Variants in SCUBE1 observed in about 807,000 individuals in gnomAD.
The protein encoded by SCUBE1 is signal peptide, CUB and EGF-like domain-containing protein 1.
In SCUBE1, 59 loss-of-function variants were observed where a neutral mutation model predicts 124.4. That is an observed-to-expected ratio of 0.47 (90% confidence interval 0.38 to 0.59). The LOEUF is 0.59. SCUBE1 is among the 20% of genes least tolerant of loss of function. The pLI is 0.00. For synonymous variants in SCUBE1, 545 were observed against 550.9 expected, an observed-to-expected ratio of 0.99 and a Z score of 0.15; for missense variants, 1,150 against 1,371.2, an observed-to-expected ratio of 0.84 and a Z score of 2.55.
At chr22:43,267,430 A>G (rs1156748133) in intron 4 of SCUBE1, among the ~76,000 whole-genome samples, 1 of 152,230 alleles carries the variant, frequency 6.6e-6, no homozygotes, top group Non-Finnish European at 1.5e-5. Context: ...TAGAATTTTG[A>G]AAATGCTCTT....
At chr22:43,267,231 C>A (rs1924107512) in intron 4 of SCUBE1, among the ~76,000 whole-genome samples, 1 of 152,090 alleles carries the variant, frequency 6.6e-6, no homozygotes, top group Non-Finnish European at 1.5e-5. Context: ...GAGTACCCAG[C>A]ACAGGGCCTG....
At chr22:43,301,858 C>T (rs1925784398) in intron 3 of SCUBE1, among the ~76,000 whole-genome samples, 1 of 152,228 alleles carries the variant, frequency 6.6e-6, no homozygotes, top group Non-Finnish European at 1.5e-5. Flanking sequence ...GGGAACGGCG[C>T]TTCTGGCCTG....
At chr22:43,296,504 A>G (rs1015118922) in intron 3 of SCUBE1, among the ~76,000 whole-genome samples, 6 of 152,206 alleles carry the variant, frequency 3.9e-5, no homozygotes, top group Non-Finnish European at 8.8e-5. Flanking sequence ...ACAGGGACTT[A>G]GCTACAAAGA....
chr22:43,277,509 C>A (rs1412971222), intron 4 of SCUBE1, among the ~76,000 whole-genome samples: 1 of 152,216 alleles, frequency 6.6e-6, no homozygotes, highest in Admixed American at 6.5e-5. Flanking sequence ...CTGCACAGCA[C>A]CCCTGCCCCT....
At chr22:43,216,442 C>T (rs1243528597) in intron 15 of SCUBE1, among the ~76,000 whole-genome samples, 1 of 150,752 alleles carries the variant, frequency 6.6e-6, no homozygotes, top group Non-Finnish European at 1.5e-5. Flanking sequence ...ATCATGAGGT[C>T]AGGAGTTTGA....
chr22:43,314,978 TGG>T (rs1048367039), intron 3 of SCUBE1, among the ~76,000 whole-genome samples: 3 of 152,140 alleles, frequency 2.0e-5, no homozygotes, highest in African/African-American at 7.2e-5. Flanking sequence ...CGTCAGGGGC[TGG>T]GTAACTGTGG....
At chr22:43,300,355 T>C (rs543693425) in intron 3 of SCUBE1, among the ~76,000 whole-genome samples, 1 of 152,090 alleles carries the variant, frequency 6.6e-6, no homozygotes, top group African/African-American at 2.4e-5. Flanking sequence ...ATTATGGTTT[T>C]GATTTTCATT....
intron 7 of SCUBE1, 99 bp from the exon 8 acceptor site, chr22:43,231,974 C>G: frequency 2.8e-6 from 4 of 1,432,954 alleles, no homozygotes; most frequent in Non-Finnish European, 2.9e-6. Flanking sequence ...TGACACTGCC[C>G]TGAGTTGCCT....
At chr22:43,256,848 G>A (rs558821128) in intron 6 of SCUBE1, among the ~76,000 whole-genome samples, 4 of 152,340 alleles carry the variant, frequency 2.6e-5, no homozygotes, top group African/African-American at 9.6e-5. Context: ...GAGGAGAGGA[G>A]GTTCTAGATG....
intron 6 of SCUBE1, among the ~76,000 whole-genome samples, chr22:43,245,075 C>T (rs987473179): frequency 1.3e-5 from 2 of 152,268 alleles, no homozygotes; most frequent in Non-Finnish European, 1.5e-5. Flanking sequence ...ATAAAAGCCA[C>T]GCCGTGCTCC....
intron 16 of SCUBE1, chr22:43,213,624 C>T (rs748977671): frequency 6.6e-6 from 1 of 152,618 alleles, no homozygotes; most frequent in African/African-American, 2.4e-5. Flanking sequence ...CTTTCTAAAC[C>T]GTCTGTGGGG....
At chr22:43,215,087 A>G (rs1013778454) in intron 15 of SCUBE1, among the ~76,000 whole-genome samples, 1 of 152,212 alleles carries the variant, frequency 6.6e-6, no homozygotes, top group African/African-American at 2.4e-5. Flanking sequence ...GGAGCAATGA[A>G]TATCCCAGAT....
At chr22:43,311,592 T>A (rs889988864) in intron 3 of SCUBE1, among the ~76,000 whole-genome samples, 3 of 151,768 alleles carry the variant, frequency 2.0e-5, no homozygotes, top group Non-Finnish European at 4.4e-5. Context: ...GGCTATTTTT[T>A]TTTTTTGTAT....
chr22:43,254,884 C>T (rs1027583570), intron 6 of SCUBE1, among the ~76,000 whole-genome samples: 4 of 152,248 alleles, frequency 2.6e-5, no homozygotes, highest in Non-Finnish European at 5.9e-5. Context: ...GTTCTCCTCA[C>T]ATCGGTGCCT....
chr22:43,208,475 C>A (rs1292980103), intron 19 of SCUBE1, among the ~76,000 whole-genome samples: 1 of 152,352 alleles, frequency 6.6e-6, no homozygotes, highest in Middle Eastern at 3.4e-3. Context: ...ACTCTCCCCC[C>A]ATCCCCTCCC....
At position 43,323,788 on chromosome 22, in the gene SCUBE1, C is replaced by T. The variant is rs1030294139; in HGVS notation, c.221-3723G>A. Among the ~76,000 whole-genome samples, 9 of 152,280 alleles carry T rather than the reference C, an allele frequency of 5.9e-5. No homozygotes were observed. In the South Asian group the frequency reaches 1.9e-3, roughly 32 times the overall value. ...ACTTCTATTAACTCACTGATTCCTT[C>T]AAATATCCCTCCAAACAGCTTACAA... On this transcript the variant is annotated intron_variant, in intron 2 of 21. Coordinates refer to ENST00000360835, the MANE Select transcript of SCUBE1 (RefSeq NM_173050.5).
intron 15 of SCUBE1, among the ~76,000 whole-genome samples, chr22:43,215,145 G>T (rs138347810): frequency 1.3e-4 from 20 of 152,322 alleles, no homozygotes; most frequent in East Asian, 1.2e-3. Context: ...AGGGGTCCTT[G>T]GGGATTTGGC....
intron 4 of SCUBE1, 109 bp downstream of exon 4, chr22:43,290,937 A>G: frequency 7.7e-7 from 1 of 1,292,210 alleles, no homozygotes; most frequent in Non-Finnish European, 1.0e-6. Context: ...TACCACCAAA[A>G]TTCCCTGCCT....
intron 3 of SCUBE1, among the ~76,000 whole-genome samples, chr22:43,306,950 T>G (rs1415444774): frequency 3.3e-5 from 5 of 152,206 alleles, no homozygotes; most frequent in Non-Finnish European, 7.4e-5. Flanking sequence ...AGTGTGCTGA[T>G]GACCCCCACG....
Sources: allele counts gnomAD v4.1 joint callset (sites outside exome capture counted in the v4.1 genomes callset), GRCh38; gene constraint gnomAD v4.1.1; transcripts MANE v1.5; gene names NCBI Gene and HGNC (gene_info 2026-07-23, HGNC 2026-07-21).